WDR64: variants seen among roughly 807,000 people sequenced by gnomAD.
The protein encoded by WDR64 is WD repeat domain 64, also known as WD repeat-containing protein 64.
In WDR64, 112 loss-of-function variants were observed where a neutral mutation model predicts 139.3. The ratio of observed to expected loss-of-function variants is 0.80; its 90% CI spans 0.69 to 0.94. WDR64 has a LOEUF of 0.94. Ranked by LOEUF, WDR64 falls within the 40% of genes least tolerant of loss-of-function variation. WDR64 has a pLI of 0.00. For synonymous variants in WDR64, 444 were observed against 437.7 expected, an observed-to-expected ratio of 1.01 and a Z score of -0.18; for missense variants, 1,206 against 1,293.1, an observed-to-expected ratio of 0.93 and a Z score of 1.03.
At chr1:241,747,475 G>A (rs1200017713) in intron 13 of WDR64, among the ~76,000 whole-genome samples, 3 of 152,140 alleles carry the variant, frequency 2.0e-5, no homozygotes, top group Non-Finnish European at 4.4e-5. Flanking sequence ...ATTTTTCAAA[G>A]TTCAAAATAA....
intron 11 of WDR64, among the ~76,000 whole-genome samples, chr1:241,740,110 C>T (rs1257920864): frequency 2.6e-5 from 4 of 152,230 alleles, no homozygotes; most frequent in East Asian, 3.9e-4. Context: ...TCAAACAGCC[C>T]AGCTGACTAG....
intron 10 of WDR64, among the ~76,000 whole-genome samples, chr1:241,732,616 T>C (rs1669126169): frequency 6.6e-6 from 1 of 151,068 alleles, no homozygotes; most frequent in African/African-American, 2.5e-5. Flanking sequence ...AGTCAGGAGT[T>C]TGAGACCAGC....
chr1:241,666,809 T>C (rs1312005678), intron 2 of WDR64, among the ~76,000 whole-genome samples: 1 of 152,204 alleles, frequency 6.6e-6, no homozygotes, highest in Admixed American at 6.5e-5. Flanking sequence ...AGTTAATCCT[T>C]ACAACAGAGC....
rs550073532 is a variant in WDR64 at position 241,718,573 on chromosome 1, A to G, written c.1055-4724A>G. Among the ~76,000 whole-genome samples the G allele has an allele frequency of 5.6e-4, 85 of 152,266 alleles. 1 individual carries two copies. The highest frequency in any genetic ancestry group is 2.0e-3 in the African/African-American group (85 of 41,538). ...AAGAGATTTTTCTCTCTTGCTGTTAATAAGGGCAGCATGAAAGTTTGAAAT... is the reference window on the plus strand; with the variant it reads ...AAGAGATTTTTCTCTCTTGCTGTTAGTAAGGGCAGCATGAAAGTTTGAAAT... On this transcript the variant is annotated intron_variant, in intron 9 of 27. Coordinates refer to ENST00000437684, the MANE Select transcript of WDR64 (RefSeq NM_001367482.1).
At chr1:241,770,020 A>G (rs904382113) in intron 17 of WDR64, among the ~76,000 whole-genome samples, 2 of 152,206 alleles carry the variant, frequency 1.3e-5, no homozygotes, top group African/African-American at 4.8e-5. Context: ...GTTTGCAGGC[A>G]ATAGATAATG....
chr1:241,790,540 C>A (rs1659184763), intron 24 of WDR64, 51 bp from the exon 25 acceptor site: 1 of 1,444,614 alleles, frequency 6.9e-7, no homozygotes, highest in Non-Finnish European at 9.5e-7. Flanking sequence ...GTTTAGTTGG[C>A]AGAGAATAAA....
At chr1:241,754,670 A>C (rs1476377808) in intron 14 of WDR64, among the ~76,000 whole-genome samples, 1 of 152,020 alleles carries the variant, frequency 6.6e-6, no homozygotes, top group Non-Finnish European at 1.5e-5. Flanking sequence ...TGCTGCACCC[A>C]TCAACCCGTC....
Position 241,744,397 on chromosome 1 carries a change from G to A in WDR64, c.1475G>A (p.Trp492Ter). The stretch of plus-strand genomic sequence containing the variant: ...TATTTTCGTTCTTTCCCATAGGTAT[G>A]GGAACTCGAGACTGGGCTCCAAGTA... ...TICSESIIRV[W>*]ELETGLQVYQ... The change falls in exon 13 of 28, where the codon TGG becomes TAG. Residue 492 changes from tryptophan to a stop codon, truncating the protein, a stop_gained. Coordinates refer to ENST00000437684, the MANE Select transcript of WDR64 (RefSeq NM_001367482.1). LOFTEE classifies it high-confidence loss of function. 6.2e-7 allele frequency: 1 copy of A among 1,614,070 alleles called. No individual in the cohort carries two copies. The highest frequency in any genetic ancestry group is 8.5e-7 in the Non-Finnish European group (1 of 1,179,990).
chr1:241,760,111 T>C (rs768113197), intron 15 of WDR64, among the ~76,000 whole-genome samples: 22 of 152,224 alleles, frequency 1.4e-4, no homozygotes, highest in Non-Finnish European at 2.8e-4. Context: ...TGTTTACCCA[T>C]TCATCCATCA....
chr1:241,769,827 C>T (rs529059250), intron 17 of WDR64, among the ~76,000 whole-genome samples: 3 of 152,232 alleles, frequency 2.0e-5, no homozygotes, highest in East Asian at 1.9e-4. Flanking sequence ...CTTTACTTTT[C>T]GCCAAAATCT....
intron 4 of WDR64, among the ~76,000 whole-genome samples, chr1:241,676,582 G>T (rs1666562886): frequency 6.6e-6 from 1 of 152,082 alleles, no homozygotes; most frequent in Non-Finnish European, 1.5e-5. Context: ...AGAATGATGT[G>T]AAATAAGTCA....
chr1:241,674,727 A>G lies in WDR64; in HGVS notation c.463A>G (p.Ile155Val). ...AATAACAGCTACTCAGAAAGGATTA[A>G]TAACAGTTTTTAATAACCAGGTAAT... ...LLITATQKGL[I>V]TVFNNQMRVQ... is the part of the protein sequence containing the mutation. The change falls in exon 4 of 28, where the codon ATA (isoleucine) becomes GTA (valine). Residue 155 changes from isoleucine (I) to valine (V), a missense_variant. By Grantham distance (29) the Ile-to-Val change is conservative (BLOSUM62 3). Coordinates refer to ENST00000437684, the MANE Select transcript of WDR64 (RefSeq NM_001367482.1). 4 of 1,547,118 alleles carry G rather than the reference A, an allele frequency of 2.6e-6. No homozygotes were observed. Among genetic ancestry groups the G allele is most frequent in the Non-Finnish European group, 3.5e-6 (4 of 1,143,826 alleles).
Position 241,741,612 on chromosome 1 carries a change from A to G in WDR64, c.1418A>G (p.Tyr473Cys). 6.2e-7 allele frequency: 1 copy of G among 1,613,454 alleles called. No homozygotes were observed. The highest frequency in any genetic ancestry group is 8.5e-7 in the Non-Finnish European group (1 of 1,179,874). The change falls in exon 12 of 28, where the codon TAC (tyrosine) becomes TGC (cysteine). Residue 473 changes from tyrosine to cysteine, a missense_variant. Tyr to Cys is a radical substitution (Grantham distance 194, BLOSUM62 -2). Coordinates refer to ENST00000437684, the MANE Select transcript of WDR64 (RefSeq NM_001367482.1). The part of the protein sequence containing the change: ...THEREINVML[Y>C]NKYFHQVLTI... ...GAACGAGAAATCAATGTCATGCTTTACAACAAATATTTTCATCAAGTACTC... is the reference window on the plus strand; with the variant it reads ...GAACGAGAAATCAATGTCATGCTTTGCAACAAATATTTTCATCAAGTACTC...
chr1:241,756,860 T>C (rs115730534), intron 14 of WDR64, among the ~76,000 whole-genome samples: 2,606 of 152,284 alleles, frequency 0.017, 59 homozygotes, highest in African/African-American at 0.059. Flanking sequence ...TGTAGTATGT[T>C]TATATTACAC....
At position 241,697,018 on chromosome 1, in the gene WDR64, T is replaced by A. The variant is rs114813961; in HGVS notation, c.974+9423T>A. On this transcript the variant is annotated intron_variant, in intron 8 of 27. Transcript: ENST00000437684. ...CCTCTCCTCTACTTTCTTCCCTTCCTATTGACCTAGACCCCAGGTTATTCA... is the reference window on the plus strand; with the variant it reads ...CCTCTCCTCTACTTTCTTCCCTTCCAATTGACCTAGACCCCAGGTTATTCA... 4.7e-3 allele frequency among the ~76,000 whole-genome samples: 721 copies of A among 152,278 alleles called. 5 individuals carry two copies. The highest frequency in any genetic ancestry group is 0.017 in the African/African-American group (688 of 41,554).
At position 241,723,343 on chromosome 1, in the gene WDR64, G is replaced by C. The variant is rs56327926; in HGVS notation, c.1101G>C (p.Lys367Asn). 0.014 allele frequency: 22,011 copies of C among 1,613,962 alleles called. 189 individuals are homozygous for C. The highest frequency in any genetic ancestry group is 0.017 in the Non-Finnish European group (19,609 of 1,179,894). Residue 367 changes from lysine to asparagine, a missense_variant, in exon 10 of 28, where the codon AAG (lysine) becomes AAC (asparagine). Transcript: ENST00000437684. ...TGTGGCACCCCAATATCAGCACCAA[G>C]CCAGTAGGGAAACTTGTAGGACACA... ...IRLWHPNIST[K>N]PVGKLVGHMF...
At chr1:241,794,714 G>A (rs980729320) in intron 25 of WDR64, among the ~76,000 whole-genome samples, 2 of 151,814 alleles carry the variant, frequency 1.3e-5, no homozygotes, top group Admixed American at 6.6e-5. Flanking sequence ...TCACCATGTT[G>A]GCCAGGATGG....
At chr1:241,723,522 T>C in intron 10 of WDR64, 86 bp downstream of exon 10, 1 of 1,393,816 alleles carries the variant, frequency 7.2e-7, no homozygotes, top group Admixed American at 2.5e-5. Context: ...AATTTTTGAC[T>C]GAAATAAATG....
chr1:241,720,720 T>C (rs188443782), intron 9 of WDR64, among the ~76,000 whole-genome samples: 75 of 152,294 alleles, frequency 4.9e-4, no homozygotes, highest in Non-Finnish European at 9.6e-4. Context: ...GATGGATAGA[T>C]TGCAAAAATT....
Sources: allele counts gnomAD v4.1 joint callset (sites outside exome capture counted in the v4.1 genomes callset), GRCh38; gene constraint gnomAD v4.1.1; transcripts MANE v1.5; gene names NCBI Gene and HGNC (gene_info 2026-07-23, HGNC 2026-07-21).